The following MRRF variants were observed in gnomAD, a reference collection of about 807,000 sequenced individuals.
MRRF encodes the protein ribosome-recycling factor, mitochondrial.
MRRF carries 18 observed loss-of-function variants against 25.1 expected under a neutral mutation model. The ratio of observed to expected loss-of-function variants is 0.72; its 90% CI spans 0.50 to 1.06. The LOEUF (loss-of-function observed/expected upper bound fraction) is 1.06. MRRF is among the 50% of genes least tolerant of loss of function. The pLI, the probability that MRRF is intolerant of heterozygous loss-of-function variation, is 0.00. For missense variants in MRRF, 323 were observed against 319.3 expected, an observed-to-expected ratio of 1.01 and a Z score of -0.09; for synonymous variants, 113 against 112.1, an observed-to-expected ratio of 1.01 and a Z score of -0.05.
At chr9:122,291,297 A>T (rs1409713957) in intron 4 of MRRF, among the ~76,000 whole-genome samples, 1 of 152,232 alleles carries the variant, frequency 6.6e-6, no homozygotes, top group African/African-American at 2.4e-5. Flanking sequence ...GTGAGTGCAG[A>T]TGCGAATGAG....
intron 6 of MRRF, among the ~76,000 whole-genome samples, chr9:122,316,033 A>T (rs1296998494): frequency 6.6e-6 from 1 of 152,156 alleles, no homozygotes; most frequent in Non-Finnish European, 1.5e-5. Flanking sequence ...TAAAACAAGG[A>T]AGAAAGTAAT....
At chr9:122,310,891 A>G (rs1219924588) in intron 5 of MRRF, among the ~76,000 whole-genome samples, 1 of 152,206 alleles carries the variant, frequency 6.6e-6, no homozygotes, top group East Asian at 1.9e-4. Context: ...AAGAATGAAA[A>G]TATTTCCATA....
intron 4 of MRRF, among the ~76,000 whole-genome samples, chr9:122,288,238 GA>G (rs890444588): frequency 2.7e-5 from 4 of 149,976 alleles, no homozygotes; most frequent in East Asian, 4.1e-4. Context: ...CAAGCCAAAT[GA>G]AAAAAAATAA....
Position 122,271,281 on chromosome 9 carries a change from C to G in MRRF, c.184+206C>G, listed in dbSNP as rs141568898. ...CAGTGCCTGTTTTCTCATTACCATGCTGCCTCATTTGTTTTCTTGGTAGCT... is the reference window on the plus strand; with the variant it reads ...CAGTGCCTGTTTTCTCATTACCATGGTGCCTCATTTGTTTTCTTGGTAGCT... On this transcript the variant is annotated intron_variant, in intron 2 of 6. Coordinates refer to ENST00000344641, the MANE Select transcript of MRRF (RefSeq NM_138777.5). Among the ~76,000 whole-genome samples, 1,031 of 152,326 alleles carry G rather than the reference C, an allele frequency of 6.8e-3. 14 individuals are homozygous for G. The highest frequency in any genetic ancestry group is 8.2e-3 in the Non-Finnish European group (560 of 68,032).
chr9:122,317,345 TA>T (rs2118991185), intron 6 of MRRF, among the ~76,000 whole-genome samples: 1 of 152,202 alleles, frequency 6.6e-6, no homozygotes, highest in Admixed American at 6.5e-5. Context: ...ATTCTTTGTA[TA>T]AATCCATACG....
At chr9:122,308,661 T>G (rs1269674459) in intron 5 of MRRF, among the ~76,000 whole-genome samples, 1 of 136,934 alleles carries the variant, frequency 7.3e-6, no homozygotes, top group Non-Finnish European at 1.5e-5. Flanking sequence ...ATCACACCAC[T>G]GCACTCCAGC....
At position 122,313,296 on chromosome 9, in the gene MRRF, T is replaced by C; in HGVS notation, c.621T>C (p.Ser207=). 2 of 1,614,124 alleles carry C rather than the reference T, an allele frequency of 1.2e-6. No individual in the cohort carries two copies. The highest frequency in any genetic ancestry group is 1.7e-6 in the Non-Finnish European group (2 of 1,179,966). Residue 207 remains serine, a synonymous_variant, in exon 6 of 7, where the codon TCT becomes TCC. Coordinates refer to ENST00000344641, the MANE Select transcript of MRRF (RefSeq NM_138777.5). ...AKQNTNKAKD[S]LRKVRTNSMN... is the part of the protein sequence containing the mutation. ...AGAACACCAACAAGGCCAAAGACTC[T>C]TTACGGAAGGTTCGCACCAACTCAA... is the stretch of plus-strand genomic sequence containing the variant.
chr9:122,295,570 C>T (rs1308600229), intron 5 of MRRF, among the ~76,000 whole-genome samples: 6 of 152,100 alleles, frequency 3.9e-5, no homozygotes, highest in Admixed American at 1.3e-4. Context: ...CTCAGCCTCC[C>T]AGGTAGCTGG....
intron 3 of MRRF, among the ~76,000 whole-genome samples, chr9:122,280,859 A>C (rs1259781280): frequency 6.6e-6 from 1 of 152,192 alleles, no homozygotes; most frequent in African/African-American, 2.4e-5. Context: ...CCATGCTGCA[A>C]ATTTTTGTCT....
chr9:122,285,571 G>A (rs1167251613), intron 4 of MRRF: 1 of 441,196 alleles, frequency 2.3e-6, no homozygotes, highest in African/African-American at 2.0e-5. Flanking sequence ...AGCGTGAAAA[G>A]GCTCTGGTGA....
In MRRF at chr9:122,291,853, G is replaced by A; in HGVS notation, c.551+13G>A. 1 of 1,588,722 alleles carries A rather than the reference G, an allele frequency of 6.3e-7. No individual in the cohort carries two copies. On this transcript the variant is annotated intron_variant, in intron 5 of 6. Transcript: ENST00000344641. ...TACCCATTCCCCAGTAAGTTTGGCT[G>A]AAATTCACATATTTTGATGAAACGG...
chr9:122,318,737 TTG>T (rs1247338470), intron 6 of MRRF, among the ~76,000 whole-genome samples: 9 of 152,240 alleles, frequency 5.9e-5, no homozygotes, highest in Non-Finnish European at 1.3e-4. Context: ...GCAAGGGTTC[TTG>T]CTTTGGAGTG....
At chr9:122,267,873 CTA>C (rs1330163073) in intron 1 of MRRF, among the ~76,000 whole-genome samples, 7 of 152,246 alleles carry the variant, frequency 4.6e-5, no homozygotes, top group Non-Finnish European at 7.4e-5. Flanking sequence ...ATTAATATCA[CTA>C]TGATGATGAT....
Position 122,291,846 on chromosome 9 carries a change from T to C in MRRF, c.551+6T>C. On this transcript the variant is annotated splice_donor_region_variant and intron_variant, in intron 5 of 6. Coordinates refer to ENST00000344641, the MANE Select transcript of MRRF (RefSeq NM_138777.5). ...ATTCGGGTACCCATTCCCCAGTAAG[T>C]TTGGCTGAAATTCACATATTTTGAT... The C allele has an allele frequency of 6.2e-7, 1 of 1,607,738 alleles. No homozygotes were observed.
chr9:122,269,335 A>G (rs1221051685), intron 1 of MRRF, among the ~76,000 whole-genome samples: 3 of 152,176 alleles, frequency 2.0e-5, no homozygotes, highest in Non-Finnish European at 2.9e-5. Context: ...TAAATTGCCT[A>G]AAGTTGAAAT....
At chr9:122,271,204 A>G (rs1564469844) in intron 2 of MRRF, 129 bp downstream of exon 2, 1 of 823,732 alleles carries the variant, frequency 1.2e-6, no homozygotes, top group Non-Finnish European at 2.1e-6. Context: ...TGCCTCAGCT[A>G]TTTCATTGGA....
rs1831955499 is a variant in MRRF, at chr9:122,264,921, T to A, written c.-46T>A. 1.3e-5 allele frequency: 2 copies of A among 153,174 alleles called. No individual in the cohort carries two copies. Among genetic ancestry groups the A allele is most frequent in the Admixed American group, 1.3e-4 (2 of 15,282 alleles). 9.5% of individuals were successfully genotyped at this position (153,174 alleles called of 1,614,324 possible). ...CGCCGTCGCACGAGTCTTTCCTTAG[T>A]AACCTGGGCGATAGCTGGTGAGTGT... On this transcript the variant is annotated 5_prime_UTR_variant, in exon 1 of 7. Coordinates refer to ENST00000344641, the MANE Select transcript of MRRF (RefSeq NM_138777.5).
chr9:122,288,277 G>C (rs1196844546), intron 4 of MRRF, among the ~76,000 whole-genome samples: 2 of 152,196 alleles, frequency 1.3e-5, no homozygotes, highest in African/African-American at 2.4e-5. Context: ...CAACTCTGCA[G>C]GCACCATTAT....
intron 6 of MRRF, among the ~76,000 whole-genome samples, chr9:122,317,864 G>T (rs1367529850): frequency 6.6e-6 from 1 of 151,996 alleles, no homozygotes; most frequent in Non-Finnish European, 1.5e-5. Flanking sequence ...TAGGCTGGGC[G>T]CAGTGGCTCA....
Sources: allele counts gnomAD v4.1 joint callset (sites outside exome capture counted in the v4.1 genomes callset), GRCh38; gene constraint gnomAD v4.1.1; transcripts MANE v1.5; gene names NCBI Gene and HGNC (gene_info 2026-07-23, HGNC 2026-07-21).